NXPE2: variants seen among roughly 807,000 people sequenced by gnomAD.
NXPE2 encodes the protein NXPE family member 2.
NXPE2 carries 34 observed loss-of-function variants against 34.4 expected under a neutral mutation model. The observed-to-expected ratio is 0.99, with a 90% CI of 0.75 to 1.31. The LOEUF is 1.31. Among genes scored for constraint, NXPE2 ranks in the 40% most tolerant of loss-of-function variants. The pLI is 0.00. For synonymous variants in NXPE2, 235 were observed against 231.3 expected (o/e 1.02, Z -0.15); for missense variants, 649 against 672.5 (o/e 0.97, Z 0.39).
the NXPE2 span, chr11:114,581,711 A>G: frequency 5.6e-6 from 9 of 1,604,556 alleles, no homozygotes; most frequent in Admixed American, 3.4e-5. Context: ...CCCACCAAAC[A>G]CAGGAGTACT....
At chr11:114,708,450 G>T (rs540157309), downstream of NXPE2, among the ~76,000 whole-genome samples, 182 of 152,112 alleles carry the variant, frequency 1.2e-3, no homozygotes, top group African/African-American at 4.2e-3. Context: ...GGTCTCAAGA[G>T]TAGGAATATT....
the NXPE2 span, among the ~76,000 whole-genome samples, chr11:114,602,990 A>G: frequency 0.017 from 2,503 of 150,982 alleles, 77 homozygotes; most frequent in African/African-American, 0.055. Flanking sequence ...TATCTCATAT[A>G]TAATTACAGA....
At chr11:114,583,411 C>T in the NXPE2 span, 1 of 641,418 alleles carries the variant, frequency 1.6e-6, no homozygotes, top group Admixed American at 1.9e-5. Flanking sequence ...AAATGGAAAC[C>T]CATCACCCTC....
chr11:114,574,593 A>G, the NXPE2 span, among the ~76,000 whole-genome samples: 2 of 152,086 alleles, frequency 1.3e-5, no homozygotes, highest in Admixed American at 6.6e-5. Context: ...TAAACTAGAA[A>G]ACCTAGAGGG....
the NXPE2 span, among the ~76,000 whole-genome samples, chr11:114,790,841 G>A: frequency 2.0e-5 from 3 of 152,090 alleles, no homozygotes; most frequent in East Asian, 1.9e-4. Flanking sequence ...CCTATGTCAT[G>A]ATATCTTCCC....
At chr11:114,625,777 T>C in the NXPE2 span, among the ~76,000 whole-genome samples, 10 of 152,020 alleles carry the variant, frequency 6.6e-5, no homozygotes, top group Non-Finnish European at 1.2e-4. Context: ...GTTCATCTCA[T>C]TAGGGAGTGC....
At chr11:114,620,549 T>G in the NXPE2 span, among the ~76,000 whole-genome samples, 1 of 151,416 alleles carries the variant, frequency 6.6e-6, no homozygotes, top group Non-Finnish European at 1.5e-5. Flanking sequence ...GTGTTGCCTC[T>G]AGGGTAACCA....
the NXPE2 span, among the ~76,000 whole-genome samples, chr11:114,758,299 G>A: frequency 6.6e-6 from 1 of 152,152 alleles, no homozygotes; most frequent in East Asian, 1.9e-4. Context: ...GACCCTTTTG[G>A]AAAGCAATAT....
chr11:114,508,816 A>G, the NXPE2 span, among the ~76,000 whole-genome samples: 1 of 152,224 alleles, frequency 6.6e-6, no homozygotes, highest in African/African-American at 2.4e-5. Context: ...TCTAGGCAAT[A>G]CCATTCACAA....
chr11:114,622,684 C>T, the NXPE2 span, among the ~76,000 whole-genome samples: 4 of 151,834 alleles, frequency 2.6e-5, no homozygotes, highest in Middle Eastern at 3.5e-3. Flanking sequence ...TAAATGTTGC[C>T]TAGTGGTTAA....
At chr11:114,621,639 C>G in the NXPE2 span, among the ~76,000 whole-genome samples, 2 of 152,068 alleles carry the variant, frequency 1.3e-5, no homozygotes, top group African/African-American at 4.8e-5. Flanking sequence ...ATAAGTATTG[C>G]CTTGTGGGTT....
chr11:114,615,590 T>C, the NXPE2 span, among the ~76,000 whole-genome samples: 1 of 148,114 alleles, frequency 6.8e-6, no homozygotes, highest in Non-Finnish European at 1.5e-5. Context: ...TGGTGAATAA[T>C]ATTTGCTGCC....
the NXPE2 span, among the ~76,000 whole-genome samples, chr11:114,775,175 C>A: frequency 6.6e-6 from 1 of 152,184 alleles, no homozygotes; most frequent in African/African-American, 2.4e-5. Context: ...CTACCTGCAC[C>A]TCTTGTCGCT....
chr11:114,795,133 A>G, the NXPE2 span, among the ~76,000 whole-genome samples: 1 of 152,326 alleles, frequency 6.6e-6, no homozygotes, highest in East Asian at 1.9e-4. Flanking sequence ...AGGCTGAGTG[A>G]CAGAGATAAA....
chr11:114,788,848 T>C, the NXPE2 span, among the ~76,000 whole-genome samples: 1 of 152,226 alleles, frequency 6.6e-6, no homozygotes, highest in Non-Finnish European at 1.5e-5. Context: ...TTTTCTTGCC[T>C]GTCACTTCCT....
At chr11:114,665,257 A>T in the NXPE2 span, among the ~76,000 whole-genome samples, 1 of 152,140 alleles carries the variant, frequency 6.6e-6, no homozygotes, top group Non-Finnish European at 1.5e-5. Flanking sequence ...ATATTCTCTC[A>T]ACCAGCTTTA....
the NXPE2 span, among the ~76,000 whole-genome samples, chr11:114,650,645 G>C: frequency 6.6e-6 from 1 of 152,174 alleles, no homozygotes; most frequent in South Asian, 2.1e-4. Flanking sequence ...GCAGGAAGCT[G>C]TCTTGGACCC....
At chr11:114,646,532 C>A in the NXPE2 span, among the ~76,000 whole-genome samples, 6 of 151,716 alleles carry the variant, frequency 4.0e-5, no homozygotes, top group Non-Finnish European at 7.4e-5. Flanking sequence ...TTTAAAAAAC[C>A]TGAATTATAA....
the NXPE2 span, among the ~76,000 whole-genome samples, chr11:114,525,916 C>A: frequency 6.6e-6 from 1 of 152,230 alleles, no homozygotes; most frequent in Non-Finnish European, 1.5e-5. Context: ...ATCCATTGGT[C>A]TCTCCTGTCC....
Sources: gnomAD v4.1 joint callset for allele counts (sites outside exome capture counted in the v4.1 genomes callset) on GRCh38, gnomAD v4.1.1 for gene constraint, MANE v1.5 for transcripts, NCBI Gene and HGNC (gene_info 2026-07-23, HGNC 2026-07-21) for gene names.